The following MET variants were observed in gnomAD, a reference collection of about 807,000 sequenced individuals.
MET encodes hepatocyte growth factor receptor.
In MET, 48 loss-of-function variants were observed where a neutral mutation model predicts 133.1. That is an observed-to-expected ratio of 0.36 (90% CI 0.29 to 0.46). MET has a LOEUF of 0.46. Ranked by LOEUF, MET falls within the 20% of genes least tolerant of loss-of-function variation. MET has a pLI of 1.00. For missense variants in MET, 1,442 were observed against 1,695.9 expected (o/e 0.85, Z 2.63); for synonymous variants, 628 against 616.5 (o/e 1.02, Z -0.28).
At chr7:116,769,501 C>G in intron 11 of MET, 144 bp from the exon 12 acceptor site, 1 of 983,698 alleles carries the variant, frequency 1.0e-6, no homozygotes, top group Non-Finnish European at 1.5e-6. Flanking sequence ...ATCCCAATTC[C>G]CATGAAAATT....
intron 3 of MET, among the ~76,000 whole-genome samples, chr7:116,735,033 A>C (rs924116195): frequency 5.9e-5 from 9 of 152,180 alleles, no homozygotes; most frequent in African/African-American, 2.2e-4. Flanking sequence ...AGGGAGAGTG[A>C]GTGGATCAGG....
chr7:116,757,702 T>G lies in MET; in HGVS notation c.2030T>G (p.Leu677Ter). The G allele has an allele frequency of 6.2e-7, 1 of 1,614,000 alleles. No individual in the cohort carries two copies. Among genetic ancestry groups the G allele is most frequent in the Non-Finnish European group, 8.5e-7 (1 of 1,179,938 alleles). The change falls in exon 8 of 21, where the codon TTA (leucine) becomes TGA (stop). Residue 677 changes from leucine (L) to a stop codon, truncating the protein, a stop_gained. Coordinates refer to ENST00000397752, the MANE Select transcript of MET (RefSeq NM_000245.4). LOFTEE classifies it high-confidence loss of function. ...GPMAGGTLLT[L>*]TGNYLNSGNS... Reference sequence around the variant, plus strand: ...ATGGCTGGTGGCACTTTACTTACTTTAACTGGAAATTACCTAAACAGTGGG... The same window carrying G: ...ATGGCTGGTGGCACTTTACTTACTTGAACTGGAAATTACCTAAACAGTGGG...
intron 2 of MET, among the ~76,000 whole-genome samples, chr7:116,727,799 G>A (rs1035020677): frequency 8.5e-5 from 13 of 152,132 alleles, no homozygotes; most frequent in African/African-American, 1.7e-4. Flanking sequence ...AAGCAACCCC[G>A]TCTTTTCCAC....
At position 116,757,824 on chromosome 7, in the gene MET, G is replaced by C. The variant is rs1794248741; in HGVS notation, c.2102+50G>C. 2.5e-6 allele frequency: 4 copies of C among 1,579,626 alleles called. No homozygotes were observed. The highest frequency in any genetic ancestry group is 3.5e-6 in the Non-Finnish European group (4 of 1,149,448). ...CATCTGTCAATTTGAATTAATATCT[G>C]TACCTTAAAAATTAAGCAGATTGTT... On this transcript the variant is annotated intron_variant, in intron 8 of 20. Coordinates refer to ENST00000397752, the MANE Select transcript of MET (RefSeq NM_000245.4).
intron 3 of MET, among the ~76,000 whole-genome samples, chr7:116,738,106 A>G (rs934051850): frequency 2.0e-5 from 3 of 152,236 alleles, no homozygotes; most frequent in Non-Finnish European, 2.9e-5. Context: ...TCAGGGTATT[A>G]AGACAGACTG....
chr7:116,746,080 A>T (rs1486638297), intron 5 of MET, among the ~76,000 whole-genome samples: 1 of 152,250 alleles, frequency 6.6e-6, no homozygotes, highest in East Asian at 1.9e-4. Context: ...AAACCAATTT[A>T]CAAGAAAAAT....
At chr7:116,791,513 A>C (rs1795493440) in intron 19 of MET, among the ~76,000 whole-genome samples, 1 of 152,012 alleles carries the variant, frequency 6.6e-6, no homozygotes, top group Non-Finnish European at 1.5e-5. Flanking sequence ...TAAAGTGTCT[A>C]CTCAAATCTT....
At position 116,699,526 on chromosome 7, in the gene MET, C is replaced by T. The variant is rs199595181; in HGVS notation, c.442C>T (p.His148Tyr). 6.2e-7 allele frequency: 1 copy of T among 1,614,034 alleles called. No individual in the cohort carries two copies. Among genetic ancestry groups the T allele is most frequent in the South Asian group, 1.1e-5 (1 of 91,080 alleles). Residue 148 changes from histidine (H) to tyrosine (Y), a missense_variant, in exon 2 of 21, where the codon CAC (histidine) becomes TAC (tyrosine). Around this residue, in one of 6 missense-constraint regions of MET, gnomAD observed 762 missense variants for 792.4 expected, o/e 0.96. Transcript: ENST00000397752. ...RGTCQRHVFP[H>Y]NHTADIQSEV... is the part of the protein sequence containing the mutation. ...GACCTGCCAGCGACATGTCTTTCCCCACAATCATACTGCTGACATACAGTC... is the reference window on the plus strand; with the variant it reads ...GACCTGCCAGCGACATGTCTTTCCCTACAATCATACTGCTGACATACAGTC...
chr7:116,775,261 T>A (rs1302499371), intron 15 of MET, 150 bp downstream of exon 15: 3 of 784,376 alleles, frequency 3.8e-6, no homozygotes, highest in Non-Finnish European at 6.5e-6. Flanking sequence ...TATAGAAATG[T>A]AGCCCTGTAA....
rs767715328 is a variant in MET, at chr7:116,740,967, C to T, written c.1643C>T (p.Ser548Leu). ...CGWCHDKCVR[S>L]EECLSGTWTQ... is the part of the protein sequence containing the mutation. ...TGGTGCCACGACAAATGTGTGCGAT[C>T]GGAGGAATGCCTGAGCGGGACATGG... Residue 548 changes from serine (S) to leucine (L), a missense_variant, in exon 5 of 21, where the codon TCG becomes TTG. Ser to Leu is a moderately radical substitution (Grantham distance 145). This residue lies in a region of MET where 762 missense variants were observed against 792.4 expected (regional missense o/e 0.96). Transcript: ENST00000397752. 5.0e-6 allele frequency: 8 copies of T among 1,613,718 alleles called. No individual in the cohort carries two copies. Among genetic ancestry groups the T allele is most frequent in the South Asian group, 3.3e-5 (3 of 91,060 alleles).
At chr7:116,774,056 T>C (rs900716689) in intron 14 of MET, among the ~76,000 whole-genome samples, 4 of 152,168 alleles carry the variant, frequency 2.6e-5, no homozygotes, top group Non-Finnish European at 5.9e-5. Context: ...CTCCTTGATA[T>C]GTGTGAATTC....
At chr7:116,791,914 A>C (rs1795511638) in intron 19 of MET, among the ~76,000 whole-genome samples, 1 of 152,144 alleles carries the variant, frequency 6.6e-6, no homozygotes, top group Non-Finnish European at 1.5e-5. Context: ...TTGGCCTCCC[A>C]AAGTGCTGGG....
chr7:116,769,267 T>G (rs1208561175), intron 11 of MET, among the ~76,000 whole-genome samples: 4 of 152,220 alleles, frequency 2.6e-5, no homozygotes, highest in Non-Finnish European at 5.9e-5. Context: ...TTGGGCAGTG[T>G]TAGATAGTGC....
intron 2 of MET, among the ~76,000 whole-genome samples, chr7:116,714,669 T>G (rs1792121981): frequency 6.6e-6 from 1 of 152,090 alleles, no homozygotes; most frequent in South Asian, 2.1e-4. Context: ...TAGCCTGTTT[T>G]TATATTCTCA....
At position 116,795,650 on chromosome 7, in the gene MET, A is replaced by G. The variant is rs1340355638; in HGVS notation, c.3799-5A>G. 6.2e-7 allele frequency: 1 copy of G among 1,613,552 alleles called. No homozygotes were observed. Among genetic ancestry groups the G allele is most frequent in the African/African-American group, 1.3e-5 (1 of 74,922 alleles). The stretch of plus-strand genomic sequence containing the variant: ...CCTCATCTGTCCTGTTTCTTGTTTT[A>G]CTAGTGGTCCTTTGGCGTGCTCCTC... On this transcript the variant is annotated splice_region_variant and splice_polypyrimidine_tract_variant and intron_variant, in intron 19 of 20. Transcript: ENST00000397752.
At chr7:116,694,493 A>G (rs1796889175) in intron 1 of MET, among the ~76,000 whole-genome samples, 1 of 152,188 alleles carries the variant, frequency 6.6e-6, no homozygotes, top group Admixed American at 6.5e-5. Context: ...TTCTTTAAAT[A>G]GAAAATATAT....
intron 2 of MET, among the ~76,000 whole-genome samples, chr7:116,718,309 A>C (rs1332182169): frequency 1.3e-5 from 2 of 151,926 alleles, no homozygotes; most frequent in South Asian, 2.1e-4. Context: ...AATTGCTTGA[A>C]CCCAGGAGGC....
intron 1 of MET, among the ~76,000 whole-genome samples, chr7:116,688,762 G>A (rs905374456): frequency 6.6e-6 from 1 of 152,114 alleles, no homozygotes; most frequent in South Asian, 2.1e-4. Context: ...TTGGATAATA[G>A]TCTCAATCAT....
intron 1 of MET, among the ~76,000 whole-genome samples, chr7:116,695,237 G>A (rs1210002767): frequency 6.6e-6 from 1 of 152,028 alleles, no homozygotes; most frequent in African/African-American, 2.4e-5. Context: ...TGCTCTAGAT[G>A]GTTTAGATAC....
Sources: allele counts gnomAD v4.1 joint callset (sites outside exome capture counted in the v4.1 genomes callset), GRCh38; gene constraint gnomAD v4.1.1; regional missense constraint gnomAD v4.1.1; transcripts MANE v1.5; gene names NCBI Gene and HGNC (gene_info 2026-07-23, HGNC 2026-07-21).